The following SRPK1 variants were observed in gnomAD, a reference collection of about 807,000 sequenced individuals.
The protein encoded by SRPK1 is SRSF protein kinase 1.
SRPK1 carries 52 observed loss-of-function variants against 89.5 expected under a neutral mutation model. The observed-to-expected ratio is 0.58, with a 90% CI of 0.46 to 0.73. The LOEUF is 0.73. Among genes scored for constraint, SRPK1 ranks in the 30% least tolerant of loss-of-function variants. The pLI, the probability that SRPK1 is intolerant of heterozygous loss-of-function variation, is 0.00. For synonymous variants in SRPK1, 255 were observed against 270.2 expected (o/e 0.94, Z 0.55); for missense variants, 603 against 780.6 (o/e 0.77, Z 2.71).
intron 3 of SRPK1, among the ~76,000 whole-genome samples, chr6:35,889,132 A>G (rs1452291402): frequency 2.0e-5 from 3 of 152,234 alleles, no homozygotes; most frequent in Non-Finnish European, 4.4e-5. Context: ...AAAGTGAGTA[A>G]GATTAATGAT....
chr6:35,918,363 T>C (rs1771158698), intron 2 of SRPK1, among the ~76,000 whole-genome samples: 1 of 151,738 alleles, frequency 6.6e-6, no homozygotes, highest in South Asian at 2.1e-4. Flanking sequence ...TAACCAGGCG[T>C]AGTGGCACAC....
chr6:35,856,363 C>CTTAG (rs1769666569), intron 13 of SRPK1, among the ~76,000 whole-genome samples: 1 of 151,704 alleles, frequency 6.6e-6, no homozygotes, highest in African/African-American at 2.4e-5. Context: ...CTATAGCAAG[C>CTTAG]TTAGCACTTT....
At chr6:35,897,423 A>C (rs182574007) in intron 2 of SRPK1, among the ~76,000 whole-genome samples, 1 of 152,368 alleles carries the variant, frequency 6.6e-6, no homozygotes, top group Non-Finnish European at 1.5e-5. Context: ...ATAAACAAAA[A>C]GCAATGGGTA....
At chr6:35,887,442 A>T (rs1365556979) in intron 5 of SRPK1, among the ~76,000 whole-genome samples, 1 of 152,166 alleles carries the variant, frequency 6.6e-6, no homozygotes, top group Non-Finnish European at 1.5e-5. Flanking sequence ...ACTCAGAAAG[A>T]AAAAAATGGT....
chr6:35,857,501 T>C, intron 12 of SRPK1, 133 bp from the exon 13 acceptor site: 1 of 684,368 alleles, frequency 1.5e-6, no homozygotes, highest in Non-Finnish European at 2.5e-6. Context: ...GCTTATTTCT[T>C]AAACAGCATT....
chr6:35,892,052 G>A (rs1016420131), intron 2 of SRPK1, among the ~76,000 whole-genome samples: 5 of 151,984 alleles, frequency 3.3e-5, no homozygotes, highest in African/African-American at 9.7e-5. Flanking sequence ...TGAATGCTTC[G>A]CTTCTAATGA....
chr6:35,838,841 A>G, intron 14 of SRPK1: 1 of 1,355,972 alleles, frequency 7.4e-7, no homozygotes, highest in Non-Finnish European at 9.8e-7. Flanking sequence ...GACAAGCTGT[A>G]AAAGAGGTTT....
At chr6:35,838,526 C>T in intron 14 of SRPK1, 97 bp from the exon 15 acceptor site, 1 of 1,306,060 alleles carries the variant, frequency 7.7e-7, no homozygotes, top group Non-Finnish European at 1.1e-6. Flanking sequence ...GCAGCATGCA[C>T]ATCTCTTTGT....
At chr6:35,840,745 CTA>C (rs1247516853) in intron 14 of SRPK1, among the ~76,000 whole-genome samples, 7 of 152,182 alleles carry the variant, frequency 4.6e-5, no homozygotes. Context: ...TCGTAACAAA[CTA>C]TGCACACACT....
At chr6:35,864,360 CTAA>C (rs760985544) in intron 12 of SRPK1, among the ~76,000 whole-genome samples, 21 of 150,906 alleles carry the variant, frequency 1.4e-4, no homozygotes, top group Non-Finnish European at 2.5e-4. Context: ...AAAAAAAAAT[CTAA>C]TAATCTGATC....
intron 1 of SRPK1, 104 bp downstream of exon 1, chr6:35,920,940 G>A (rs1189566170): frequency 6.2e-6 from 8 of 1,293,734 alleles, no homozygotes; most frequent in Non-Finnish European, 8.3e-6. Flanking sequence ...GGCGCCGCAC[G>A]TCCGGGAACC....
intron 13 of SRPK1, among the ~76,000 whole-genome samples, chr6:35,855,689 C>T (rs1769651404): frequency 6.6e-6 from 1 of 152,126 alleles, no homozygotes; most frequent in Non-Finnish European, 1.5e-5. Flanking sequence ...TGGTGGGTCC[C>T]TTGGACCATA....
rs192537913 is a variant in SRPK1 at position 35,911,027 on chromosome 6, T to C, written c.74+9441A>G. On this transcript the variant is annotated intron_variant, in intron 2 of 15. Transcript: ENST00000373825. ...TCCATGCCTACTGACATAACATGTATTCTGCAGCCCATGGATCAAGGAGTC... is the reference window on the plus strand; with the variant it reads ...TCCATGCCTACTGACATAACATGTACTCTGCAGCCCATGGATCAAGGAGTC... Among the ~76,000 whole-genome samples, 116 of 152,364 alleles carry C rather than the reference T, an allele frequency of 7.6e-4. 2 individuals carry two copies. Among genetic ancestry groups the C allele is most frequent in the Admixed American group, 5.9e-3 (91 of 15,298 alleles).
chr6:35,916,883 C>A (rs1219652795), intron 2 of SRPK1, among the ~76,000 whole-genome samples: 2 of 152,084 alleles, frequency 1.3e-5, no homozygotes, highest in East Asian at 3.9e-4. Context: ...ATGGTGAAAC[C>A]CTGTCTCTAC....
chr6:35,903,150 G>T (rs533267573), intron 2 of SRPK1, among the ~76,000 whole-genome samples: 1 of 151,758 alleles, frequency 6.6e-6, no homozygotes, highest in African/African-American at 2.4e-5. Context: ...TGAACGGAAA[G>T]ATAGGGTTGC....
chr6:35,872,078 A>G (rs1582008600), intron 8 of SRPK1, among the ~76,000 whole-genome samples: 1 of 152,334 alleles, frequency 6.6e-6, no homozygotes, highest in South Asian at 2.1e-4. Context: ...GTGGCACACT[A>G]CTAACTGCTT....
chr6:35,849,223 GATCT>G (rs1769484802), intron 13 of SRPK1, among the ~76,000 whole-genome samples: 2 of 151,910 alleles, frequency 1.3e-5, no homozygotes, highest in South Asian at 2.1e-4. Context: ...ATGGCCAACA[GATCT>G]ATTAAAAAAA....
intron 6 of SRPK1, among the ~76,000 whole-genome samples, chr6:35,876,476 C>A (rs1358814445): frequency 1.3e-5 from 2 of 151,992 alleles, no homozygotes; most frequent in African/African-American, 4.8e-5. Flanking sequence ...CCTGTCTCTA[C>A]AAGAAAAATC....
chr6:35,904,644 C>G (rs1007928102), intron 2 of SRPK1, among the ~76,000 whole-genome samples: 1 of 150,786 alleles, frequency 6.6e-6, no homozygotes, highest in African/African-American at 2.4e-5. Flanking sequence ...ACTAAAAATA[C>G]AAAAATTAGC....
Sources: allele counts gnomAD v4.1 joint callset (sites outside exome capture counted in the v4.1 genomes callset), GRCh38; gene constraint gnomAD v4.1.1; transcripts MANE v1.5; gene names NCBI Gene and HGNC (gene_info 2026-07-23, HGNC 2026-07-21).